RPTOR: variants seen among roughly 807,000 people sequenced by gnomAD.
RPTOR encodes regulatory-associated protein of mTOR.
Under a neutral mutation model 169.9 loss-of-function variants are expected in RPTOR, and 21 were observed. That is an observed-to-expected ratio of 0.12 (90% CI 0.09 to 0.18). RPTOR has a LOEUF of 0.18. RPTOR is among the 10% of genes least tolerant of loss of function. The pLI, the probability that RPTOR is intolerant of heterozygous loss-of-function variation, is 1.00. For synonymous variants in RPTOR, 732 were observed against 753.2 expected (o/e 0.97, Z 0.46); for missense variants, 1,133 against 1,855.9 (o/e 0.61, Z 7.16).
chr17:80,919,390 A>G (rs184635132), intron 21 of RPTOR, among the ~76,000 whole-genome samples: 25 of 152,296 alleles, frequency 1.6e-4, no homozygotes, highest in Admixed American at 1.5e-3. Flanking sequence ...ATGAATCCAG[A>G]TCCTCGATAT....
At chr17:80,605,777 C>T (rs1013055648) in intron 1 of RPTOR, among the ~76,000 whole-genome samples, 4 of 152,192 alleles carry the variant, frequency 2.6e-5, no homozygotes, top group Non-Finnish European at 5.9e-5. Context: ...CTCAGTTGCT[C>T]ATGACGAATG....
chr17:80,866,422 G>A (rs931137231), intron 13 of RPTOR, among the ~76,000 whole-genome samples: 1 of 152,106 alleles, frequency 6.6e-6, no homozygotes, highest in Non-Finnish European at 1.5e-5. Context: ...ACCCAAAGCT[G>A]TCGGCCAAAG....
chr17:80,693,371 G>A (rs1159010613), intron 3 of RPTOR, among the ~76,000 whole-genome samples: 1 of 152,234 alleles, frequency 6.6e-6, no homozygotes, highest in Non-Finnish European at 1.5e-5. Context: ...GGGTTCATTG[G>A]GGGGATTCTG....
chr17:80,858,383 G>A (rs995709471), intron 13 of RPTOR, among the ~76,000 whole-genome samples: 1 of 152,226 alleles, frequency 6.6e-6, no homozygotes, highest in Non-Finnish European at 1.5e-5. Flanking sequence ...AGGTGTTAGG[G>A]GCCACCCCCT....
At chr17:80,682,947 C>T (rs1204613111) in intron 3 of RPTOR, among the ~76,000 whole-genome samples, 4 of 152,024 alleles carry the variant, frequency 2.6e-5, no homozygotes, top group Non-Finnish European at 2.9e-5. Context: ...ACCACAGGCA[C>T]GTACCACTAC....
intron 3 of RPTOR, among the ~76,000 whole-genome samples, chr17:80,650,685 A>G (rs934962237): frequency 6.6e-6 from 1 of 152,200 alleles, no homozygotes; most frequent in African/African-American, 2.4e-5. Context: ...CAGGGAGGCC[A>G]TGGTGGTTGG....
chr17:80,554,790 A>AAG (rs1465054329), intron 1 of RPTOR, among the ~76,000 whole-genome samples: 2 of 152,004 alleles, frequency 1.3e-5, no homozygotes, highest in Non-Finnish European at 2.9e-5. Context: ...ACAACAAAAA[A>AAG]AATGAGAATC....
At position 80,964,425 on chromosome 17, in the gene RPTOR, C is replaced by A; in HGVS notation, c.*95C>A. ...CGGGGCGTCGGCTGCTGCGGCCCCG[C>A]AGTGTGAACGTTGGCTGCTGCCTTA... On this transcript the variant is annotated 3_prime_UTR_variant, in exon 34 of 34. Transcript: ENST00000306801. 1 of 1,262,314 alleles carries A rather than the reference C, an allele frequency of 7.9e-7. No homozygotes were observed. Among genetic ancestry groups the A allele is most frequent in the Non-Finnish European group, 1.1e-6 (1 of 877,476 alleles). The allele number at this position is 1,262,314 out of a possible 1,614,324, so 78.2% of individuals were successfully genotyped here.
At chr17:80,837,776 C>T (rs1232947221) in intron 9 of RPTOR, 146 bp from the exon 10 acceptor site, 14 of 755,296 alleles carry the variant, frequency 1.9e-5, no homozygotes, top group South Asian at 1.6e-4. Flanking sequence ...GCAGTGAAAC[C>T]GTAAACATGC....
chr17:80,613,713 T>C (rs2065288081), intron 1 of RPTOR, among the ~76,000 whole-genome samples: 1 of 150,644 alleles, frequency 6.6e-6, no homozygotes. Flanking sequence ...GAAGTGGTGT[T>C]GGACTCGGGC....
At chr17:80,866,333 A>C (rs1429971499) in intron 13 of RPTOR, among the ~76,000 whole-genome samples, 3 of 152,148 alleles carry the variant, frequency 2.0e-5, no homozygotes, top group Non-Finnish European at 4.4e-5. Context: ...CAGCTGCTAG[A>C]CAATGCATTG....
chr17:80,786,383 A>G (rs1236882092), intron 6 of RPTOR, among the ~76,000 whole-genome samples: 1 of 152,224 alleles, frequency 6.6e-6, no homozygotes, highest in Non-Finnish European at 1.5e-5. Flanking sequence ...CAAAAATGAA[A>G]ACAGCATTCA....
chr17:80,572,809 T>G (rs1208736774), intron 1 of RPTOR, among the ~76,000 whole-genome samples: 1 of 152,220 alleles, frequency 6.6e-6, no homozygotes, highest in Non-Finnish European at 1.5e-5. Context: ...TCTTTTGACA[T>G]TCTCCATTTT....
intron 1 of RPTOR, among the ~76,000 whole-genome samples, chr17:80,588,085 C>G (rs1304614489): frequency 6.6e-6 from 1 of 151,996 alleles, no homozygotes; most frequent in Non-Finnish European, 1.5e-5. Flanking sequence ...CATGTTGTTG[C>G]AAATGACAGG....
chr17:80,710,477 A>G (rs887812616), intron 4 of RPTOR, among the ~76,000 whole-genome samples: 1 of 152,124 alleles, frequency 6.6e-6, no homozygotes, highest in Admixed American at 6.5e-5. Context: ...AAACAAAAAC[A>G]ATCACCATTA....
chr17:80,613,105 T>G (rs2065282926), intron 1 of RPTOR, among the ~76,000 whole-genome samples: 1 of 152,136 alleles, frequency 6.6e-6, no homozygotes, highest in Admixed American at 6.5e-5. Context: ...CCTTCAGTGA[T>G]CATCATCATC....
chr17:80,864,940 G>A (rs1030224862), intron 13 of RPTOR, among the ~76,000 whole-genome samples: 1 of 152,170 alleles, frequency 6.6e-6, no homozygotes, highest in African/African-American at 2.4e-5. Context: ...CCATCCTCCT[G>A]CCTCAGCCTC....
chr17:80,731,381 C>T (rs993017158), intron 5 of RPTOR, among the ~76,000 whole-genome samples: 6 of 151,802 alleles, frequency 4.0e-5, no homozygotes, highest in Non-Finnish European at 7.4e-5. Flanking sequence ...GTTCCTGCCC[C>T]GGTTTCTTTT....
chr17:80,850,854 A>G (rs949102743), intron 11 of RPTOR, among the ~76,000 whole-genome samples: 6 of 152,226 alleles, frequency 3.9e-5, no homozygotes, highest in African/African-American at 1.4e-4. Context: ...CAGGGCTGGA[A>G]CTGGAGAATC....
Sources: gnomAD v4.1 joint callset for allele counts (sites outside exome capture counted in the v4.1 genomes callset) on GRCh38, gnomAD v4.1.1 for gene constraint, MANE v1.5 for transcripts, NCBI Gene and HGNC (gene_info 2026-07-23, HGNC 2026-07-21) for gene names.